The following CYB5A variants were observed in gnomAD, a reference collection of about 807,000 sequenced individuals.
CYB5A encodes cytochrome b5 type A.
In CYB5A, 10 loss-of-function variants were observed where a neutral mutation model predicts 16.2. The observed-to-expected ratio is 0.62, with a 90% CI of 0.38 to 1.04. The LOEUF is 1.04. CYB5A is among the 50% of genes least tolerant of loss of function. The pLI is 0.01. For missense variants in CYB5A, 161 were observed against 165.9 expected, an observed-to-expected ratio of 0.97 and a Z score of 0.16; for synonymous variants, 62 against 57.0, an observed-to-expected ratio of 1.09 and a Z score of -0.40.
At chr18:74,273,424 A>T (rs1982747819) in intron 1 of CYB5A, among the ~76,000 whole-genome samples, 1 of 152,238 alleles carries the variant, frequency 6.6e-6, no homozygotes, top group Admixed American at 6.5e-5. Context: ...GGCACCAAAT[A>T]TCCATAATGA....
At chr18:74,291,202 G>C (rs749572731) in intron 1 of CYB5A, among the ~76,000 whole-genome samples, 2 of 152,226 alleles carry the variant, frequency 1.3e-5, no homozygotes, top group Non-Finnish European at 2.9e-5. Context: ...CGGCCACTGC[G>C]GGAATGCCGC....
chr18:74,260,003 G>C (rs898583802), intron 3 of CYB5A: 3 of 152,084 alleles, frequency 2.0e-5, no homozygotes, highest in African/African-American at 4.8e-5. Context: ...GTACTATCAG[G>C]GATGTTGAGG....
rs1231879909 is a variant in CYB5A at position 74,257,108 on chromosome 18, T to C, written c.289-1333A>G. ...AAGAATCACTGAAGGTAAAATATGATTGTCAAACTAGAAAGTTAAGTTTGA... is the reference window on the plus strand; with the variant it reads ...AAGAATCACTGAAGGTAAAATATGACTGTCAAACTAGAAAGTTAAGTTTGA... On this transcript the variant is annotated intron_variant, in intron 3 of 4. Transcript: ENST00000340533. 3 of 466,674 alleles carry C rather than the reference T, an allele frequency of 6.4e-6. No homozygotes were observed. In the East Asian group the frequency reaches 1.0e-4, roughly 16 times the overall value. The allele number at this position is 466,674 out of a possible 1,614,324, so 28.9% of individuals were successfully genotyped here.
intron 3 of CYB5A, chr18:74,258,348 G>A (rs554648109): frequency 3.3e-5 from 5 of 152,270 alleles, no homozygotes; most frequent in Non-Finnish European, 7.4e-5. Context: ...GTATTGCTAC[G>A]ACTAATATTC....
At chr18:74,286,606 A>G (rs998207138) in intron 1 of CYB5A, among the ~76,000 whole-genome samples, 1 of 152,214 alleles carries the variant, frequency 6.6e-6, no homozygotes, top group African/African-American at 2.4e-5. Flanking sequence ...TGAAAGAAAT[A>G]CCTGACTTGC....
rs759117232 is a variant in CYB5A at position 74,263,373 on chromosome 18, T to C, written c.234A>G (p.Thr78=). 7 of 1,613,988 alleles carry C rather than the reference T, an allele frequency of 4.3e-6. No individual in the cohort carries two copies. Among genetic ancestry groups the C allele is most frequent in the Non-Finnish European group, 5.9e-6 (7 of 1,179,936 alleles). ...HSTDAREMSK[T]FIIGELHPDD... ...CTGGATGGAGCTCCCCAATGATGAATGTTTTGGACATTTCCCTGGCATCTG... is the reference window on the plus strand; with the variant it reads ...CTGGATGGAGCTCCCCAATGATGAACGTTTTGGACATTTCCCTGGCATCTG... The change falls in exon 2 of 5, where the codon ACA becomes ACG. Residue 78 remains threonine (T), a synonymous_variant. Transcript: ENST00000340533.
chr18:74,274,258 C>T (rs1290714461), intron 1 of CYB5A, among the ~76,000 whole-genome samples: 1 of 152,174 alleles, frequency 6.6e-6, no homozygotes, highest in African/African-American at 2.4e-5. Flanking sequence ...AGAAAATATA[C>T]ACAACGAGCG....
At chr18:74,290,701 T>C (rs1255644192) in intron 1 of CYB5A, among the ~76,000 whole-genome samples, 1 of 152,196 alleles carries the variant, frequency 6.6e-6, no homozygotes, top group Admixed American at 6.5e-5. Flanking sequence ...CTTCTCATTA[T>C]TGGGAGGGGG....
At chr18:74,256,488 A>G (rs8091176) in intron 3 of CYB5A, 47,315 of 325,670 alleles carry the variant, frequency 0.15, 3,695 homozygotes, top group Admixed American at 0.21. Flanking sequence ...GAGTAGCACT[A>G]AAGTGAATGG....
At chr18:74,261,929 C>T (rs1487991907) in intron 2 of CYB5A, among the ~76,000 whole-genome samples, 1 of 152,170 alleles carries the variant, frequency 6.6e-6, no homozygotes, top group Non-Finnish European at 1.5e-5. Context: ...GCTAACCATG[C>T]ACCACAAGTG....
Position 74,291,953 on chromosome 18 carries a change from C to G in CYB5A, c.-78G>C. The G allele has an allele frequency of 1.3e-6, 2 of 1,597,532 alleles. No individual in the cohort carries two copies. Among genetic ancestry groups the G allele is most frequent in the South Asian group, 1.1e-5 (1 of 90,778 alleles). On this transcript the variant is annotated 5_prime_UTR_variant, in exon 1 of 5. Coordinates refer to ENST00000340533, the MANE Select transcript of CYB5A (RefSeq NM_148923.4). ...GAGCGCGCGACTCAGCCAGCTCCAC[C>G]CGGGACATTCCCCGCGCCGGGAACC...
intron 1 of CYB5A, among the ~76,000 whole-genome samples, chr18:74,289,365 C>T (rs988502328): frequency 1.3e-5 from 2 of 152,160 alleles, no homozygotes; most frequent in African/African-American, 4.8e-5. Context: ...CTATTATCGT[C>T]TCTGAAAATC....
intron 4 of CYB5A, 43 bp downstream of exon 4, chr18:74,255,698 G>A: frequency 6.4e-7 from 1 of 1,557,138 alleles, no homozygotes; most frequent in Non-Finnish European, 8.9e-7. Context: ...GGACCCATGA[G>A]CCCTCCCACC....
intron 1 of CYB5A, among the ~76,000 whole-genome samples, chr18:74,280,481 G>A (rs1172857414): frequency 6.6e-6 from 1 of 151,782 alleles, no homozygotes; most frequent in Non-Finnish European, 1.5e-5. Flanking sequence ...GGGAGGCTGA[G>A]GTTGGAGAAT....
chr18:74,285,843 C>CA (rs58176740), intron 1 of CYB5A, among the ~76,000 whole-genome samples: 2,309 of 70,574 alleles, frequency 0.033, 67 homozygotes, highest in African/African-American at 0.08. Flanking sequence ...GACCCCATCT[C>CA]AAAAAAAAAA....
intron 3 of CYB5A, chr18:74,258,699 C>T (rs1330381904): frequency 6.6e-6 from 1 of 152,222 alleles, no homozygotes; most frequent in East Asian, 1.9e-4. Flanking sequence ...CCTTTCATTT[C>T]ATCTGCTTAT....
intron 1 of CYB5A, among the ~76,000 whole-genome samples, chr18:74,279,820 AT>A (rs1029133270): frequency 6.6e-6 from 1 of 152,232 alleles, no homozygotes; most frequent in African/African-American, 2.4e-5. Context: ...AGTATTTTAT[AT>A]TTATAAACTT....
At chr18:74,257,004 T>C in intron 3 of CYB5A, 1 of 622,994 alleles carries the variant, frequency 1.6e-6, no homozygotes, top group South Asian at 2.1e-5. Context: ...TGAATAAAAT[T>C]AACAAAAATT....
At chr18:74,255,655 C>A in intron 4 of CYB5A, 86 bp downstream of exon 4, 10 of 1,119,660 alleles carry the variant, frequency 8.9e-6, no homozygotes, top group South Asian at 3.7e-5. Flanking sequence ...GGCCCAGGAA[C>A]CCAGAAGGTG....
Sources: gnomAD v4.1 joint callset for allele counts (sites outside exome capture counted in the v4.1 genomes callset) on GRCh38, gnomAD v4.1.1 for gene constraint, MANE v1.5 for transcripts, NCBI Gene and HGNC (gene_info 2026-07-23, HGNC 2026-07-21) for gene names.